Variants in SFXN1 observed in about 807,000 individuals in gnomAD.
SFXN1 encodes the protein sideroflexin 1, also known as sideroflexin-1.
Under a neutral mutation model 39.5 loss-of-function variants are expected in SFXN1, and 32 were observed. That is an observed-to-expected ratio of 0.81 (90% CI 0.61 to 1.09). The LOEUF is 1.09. Among genes scored for constraint, SFXN1 ranks in the 50% least tolerant of loss-of-function variants. The pLI is 0.00. For missense variants in SFXN1, 402 were observed against 407.1 expected (o/e 0.99, Z 0.11); for synonymous variants, 136 against 146.5 (o/e 0.93, Z 0.52).
rs1761133656 is a variant in SFXN1, at chr5:175,528,264, A to G, written c.*1530A>G. 6.6e-6 allele frequency: 1 copy of G among 152,200 alleles called. No homozygotes were observed. The highest frequency in any genetic ancestry group is 6.5e-5 in the Admixed American group (1 of 15,270). 9.4% of individuals were successfully genotyped at this position (152,200 alleles called of 1,614,324 possible). On this transcript the variant is annotated 3_prime_UTR_variant, in exon 11 of 11. Transcript: ENST00000321442. ...TACATAACGATGAAAAATAATACAA[A>G]TTTAAAAACCAATACAGTATAACAA...
intron 2 of SFXN1, among the ~76,000 whole-genome samples, chr5:175,504,500 G>A (rs1010244500): frequency 9.2e-5 from 14 of 151,710 alleles, no homozygotes; most frequent in African/African-American, 3.1e-4. Context: ...GCTTGAACCT[G>A]GGAGGTGAAG....
chr5:175,524,759 TAGAC>T (rs553915930), intron 10 of SFXN1, among the ~76,000 whole-genome samples: 17 of 152,076 alleles, frequency 1.1e-4, no homozygotes, highest in African/African-American at 3.4e-4. Flanking sequence ...AGAAACAAAA[TAGAC>T]AGTTGTCTGG....
At chr5:175,507,085 G>A (rs1760334669) in intron 2 of SFXN1, among the ~76,000 whole-genome samples, 1 of 152,120 alleles carries the variant, frequency 6.6e-6, no homozygotes, top group Non-Finnish European at 1.5e-5. Context: ...TCCTTCCTTG[G>A]GGCTTCCAAG....
At chr5:175,492,753 C>T (rs1759707435) in intron 2 of SFXN1, among the ~76,000 whole-genome samples, 2 of 152,164 alleles carry the variant, frequency 1.3e-5, no homozygotes, top group Non-Finnish European at 2.9e-5. Flanking sequence ...ACAGGGAATG[C>T]AGATGTGGGA....
chr5:175,492,388 CAAA>C (rs11318563), intron 2 of SFXN1, 121 bp downstream of exon 2: 3,670 of 627,960 alleles, frequency 5.8e-3, no homozygotes, highest in Middle Eastern at 0.011. Context: ...TTCTTTTGAC[CAAA>C]AAAAAAAAAA....
In SFXN1 at chr5:175,506,674, C is replaced by CT. The variant is rs534195125; in HGVS notation, c.165-2348dup. Among the ~76,000 whole-genome samples the CT allele has an allele frequency of 6.8e-3, 1,010 of 149,234 alleles. 13 individuals carry two copies. Among genetic ancestry groups the CT allele is most frequent in the African/African-American group, 0.021 (871 of 40,820 alleles). On this transcript the variant is annotated intron_variant, in intron 2 of 10. Coordinates refer to ENST00000321442, the MANE Select transcript of SFXN1 (RefSeq NM_022754.7). ...ACTTAAAAAGTTGGTGTATTCATTT[C>CT]TTTTTTTTTTGAGACAGAGTCTCAC...
intron 1 of SFXN1, among the ~76,000 whole-genome samples, chr5:175,484,456 C>T (rs578261924): frequency 6.6e-5 from 10 of 152,336 alleles, no homozygotes; most frequent in Admixed American, 1.3e-4. Flanking sequence ...GGGCACATGC[C>T]CTCAGCGCAT....
At chr5:175,486,651 G>C (rs1054582009) in intron 1 of SFXN1, among the ~76,000 whole-genome samples, 1 of 152,218 alleles carries the variant, frequency 6.6e-6, no homozygotes, top group South Asian at 2.1e-4. Flanking sequence ...GGTGGCAGAC[G>C]CCTGTAGTCC....
At chr5:175,500,187 C>CA (rs577317552) in intron 2 of SFXN1, among the ~76,000 whole-genome samples, 2 of 149,976 alleles carry the variant, frequency 1.3e-5, no homozygotes, top group South Asian at 2.1e-4. Flanking sequence ...AACTCTGTCT[C>CA]AAAAAAAAGA....
Position 175,529,480 on chromosome 5 carries a change from C to G in SFXN1, c.*2746C>G, listed in dbSNP as rs1019741319. 1 of 124,684 alleles carries G rather than the reference C, an allele frequency of 8.0e-6. No individual in the cohort carries two copies. Among genetic ancestry groups the G allele is most frequent in the African/African-American group, 4.8e-5 (1 of 20,934 alleles). 7.7% of individuals were successfully genotyped at this position (124,684 alleles called of 1,614,324 possible). A position where few individuals can be genotyped will look rare whatever the true frequency, so the allele number is the denominator to read the frequency against. On this transcript the variant is annotated 3_prime_UTR_variant, in exon 11 of 11. Coordinates refer to ENST00000321442, the MANE Select transcript of SFXN1 (RefSeq NM_022754.7). ...GTTGATCACAGTTTATAAGAAAGAACAAATCAAGATTGGCAATCCTTGCCG... is the reference window on the plus strand; with the variant it reads ...GTTGATCACAGTTTATAAGAAAGAAGAAATCAAGATTGGCAATCCTTGCCG...
At chr5:175,492,386 A>G (rs1289637636) in intron 2 of SFXN1, 119 bp downstream of exon 2, 10 of 830,436 alleles carry the variant, frequency 1.2e-5, no homozygotes, top group Non-Finnish European at 1.7e-5. Context: ...AATTCTTTTG[A>G]CCAAAAAAAA....
rs1761150951 is a variant in SFXN1 at position 175,528,729 on chromosome 5, A to G, written c.*1995A>G. 1 of 152,154 alleles carries G rather than the reference A, an allele frequency of 6.6e-6. No individual in the cohort carries two copies. Among genetic ancestry groups the G allele is most frequent in the Admixed American group, 6.5e-5 (1 of 15,274 alleles). 9.4% of individuals were successfully genotyped at this position (152,154 alleles called of 1,614,324 possible). On this transcript the variant is annotated 3_prime_UTR_variant, in exon 11 of 11. Coordinates refer to ENST00000321442, the MANE Select transcript of SFXN1 (RefSeq NM_022754.7). ...TTATTTAGATTTTCTGTCTTAAACC[A>G]TTGGAAGCAAAACGGTTTTCCCATG...
At chr5:175,510,021 C>G (rs1760455659) in intron 3 of SFXN1, 88 bp from the exon 4 acceptor site, 1 of 1,047,756 alleles carries the variant, frequency 9.5e-7, no homozygotes, top group Non-Finnish European at 1.4e-6. Flanking sequence ...AGTACGTCTC[C>G]TCTCTGGTTA....
Position 175,493,693 on chromosome 5 carries a change from A to G in SFXN1, c.164+1426A>G, listed in dbSNP as rs1183705077. On this transcript the variant is annotated intron_variant, in intron 2 of 10. Transcript: ENST00000321442. Reference sequence around the variant, plus strand: ...CCAAGAACGTACAAATGTAATTGAAATTGAAATGTTTACTGGAGGCAGTGG... The same window carrying G: ...CCAAGAACGTACAAATGTAATTGAAGTTGAAATGTTTACTGGAGGCAGTGG... 5.9e-5 allele frequency among the ~76,000 whole-genome samples: 9 copies of G among 152,378 alleles called. 1 individual carries two copies. In the South Asian group the frequency reaches 1.9e-3, roughly 32 times the overall value.
chr5:175,490,922 A>G (rs1434586643), intron 1 of SFXN1, among the ~76,000 whole-genome samples: 1 of 152,260 alleles, frequency 6.6e-6, no homozygotes, highest in Non-Finnish European at 1.5e-5. Context: ...TAACATGTAT[A>G]GAAAATGTCT....
Position 175,513,556 on chromosome 5 carries a change from C to T in SFXN1, c.690C>T (p.Val230=), listed in dbSNP as rs1459788670. 3.1e-6 allele frequency: 5 copies of T among 1,613,800 alleles called. No homozygotes were observed. The South Asian group carries it at 3.3e-5, about 11-fold the overall frequency. ...CGAAACAAGCCATCACGCAAGTTGT[C>T]GTGTCCAGGATTCTCATGGCAGCCC... The part of the protein sequence containing the change: ...NAAKQAITQV[V]VSRILMAAPG... Residue 230 remains valine, a synonymous_variant, in exon 7 of 11, where the codon GTC becomes GTT. Transcript: ENST00000321442.
intron 1 of SFXN1, among the ~76,000 whole-genome samples, chr5:175,487,918 G>T (rs551979773): frequency 6.6e-6 from 1 of 152,168 alleles, no homozygotes; most frequent in African/African-American, 2.4e-5. Context: ...AAGAAATCCT[G>T]CTGGCACCAT....
In SFXN1 at chr5:175,505,083, C is replaced by T. The variant is rs143119539; in HGVS notation, c.165-3949C>T. Among the ~76,000 whole-genome samples, 220 of 152,098 alleles carry T rather than the reference C, an allele frequency of 1.4e-3. 1 individual carries two copies. Among genetic ancestry groups the T allele is most frequent in the African/African-American group, 5.0e-3 (209 of 41,510 alleles). On this transcript the variant is annotated intron_variant, in intron 2 of 10. Transcript: ENST00000321442. Reference sequence around the variant, plus strand: ...GGGAAGAAACGCACCCAGAAATTTGCGTCAATGATGAAAACATTTGGAATC... The same window carrying T: ...GGGAAGAAACGCACCCAGAAATTTGTGTCAATGATGAAAACATTTGGAATC...
intron 2 of SFXN1, among the ~76,000 whole-genome samples, chr5:175,497,937 A>G (rs1308483391): frequency 4.0e-5 from 3 of 74,302 alleles, no homozygotes; most frequent in East Asian, 3.5e-4. Context: ...TCTCAAAAAG[A>G]AAAAAAAAAA....
Sources: gnomAD v4.1 joint callset for allele counts (sites outside exome capture counted in the v4.1 genomes callset) on GRCh38, gnomAD v4.1.1 for gene constraint, MANE v1.5 for transcripts, NCBI Gene and HGNC (gene_info 2026-07-23, HGNC 2026-07-21) for gene names.